Variants in PLXNA2 observed in about 807,000 individuals in gnomAD.
PLXNA2 encodes the protein plexin A2, also known as plexin-A2.
In PLXNA2, 91 loss-of-function variants were observed where a neutral mutation model predicts 193.5. That is an observed-to-expected ratio of 0.47 (90% CI 0.40 to 0.56). The LOEUF (loss-of-function observed/expected upper bound fraction) is 0.56, where lower values mean the gene tolerates loss of function less well. Ranked by LOEUF, PLXNA2 falls within the 20% of genes least tolerant of loss-of-function variation. The pLI, the probability that PLXNA2 is intolerant of heterozygous loss-of-function variation, is 0.00. For missense variants in PLXNA2, 1,995 were observed against 2,503.2 expected, an observed-to-expected ratio of 0.80 and a Z score of 4.33; for synonymous variants, 997 against 1,027.3, an observed-to-expected ratio of 0.97 and a Z score of 0.56.
intron 1 of PLXNA2, among the ~76,000 whole-genome samples, chr1:208,242,887 G>A (rs114921199): frequency 4.2e-4 from 64 of 152,190 alleles, no homozygotes; most frequent in African/African-American, 1.4e-3. Context: ...TGTGGGGTGG[G>A]GCAAGAAAGA....
intron 1 of PLXNA2, among the ~76,000 whole-genome samples, chr1:208,226,483 G>A (rs1434395854): frequency 2.0e-5 from 3 of 152,126 alleles, no homozygotes; most frequent in Non-Finnish European, 4.4e-5. Flanking sequence ...TTGTATCCCT[G>A]AATTATGAAG....
At chr1:208,055,626 A>T (rs905133205) in intron 13 of PLXNA2, among the ~76,000 whole-genome samples, 3 of 152,134 alleles carry the variant, frequency 2.0e-5, no homozygotes, top group Admixed American at 2.0e-4. Context: ...AACAGACCCC[A>T]TCTCCACTAA....
Position 208,039,839 on chromosome 1 carries a change from C to T in PLXNA2, c.4354-72G>A, listed in dbSNP as rs1004880542. The T allele has an allele frequency of 2.3e-5, 37 of 1,607,214 alleles. 1 individual carries two copies. The highest frequency in any genetic ancestry group is 9.4e-5 in the African/African-American group (7 of 74,762). On this transcript the variant is annotated intron_variant, in intron 23 of 31. Transcript: ENST00000367033. ...TTTGTACGTTTTCCCTTTCCTCTCTCGGAGCGAGGCCAGTGGAAGGAAGGG... is the reference window on the plus strand; with the variant it reads ...TTTGTACGTTTTCCCTTTCCTCTCTTGGAGCGAGGCCAGTGGAAGGAAGGG...
At position 208,026,626 on chromosome 1, in the gene PLXNA2, CTCA is replaced by C. The variant is rs1400918565; in HGVS notation, c.*614_*616del. 6.7e-6 allele frequency: 1 copy of C among 149,758 alleles called. No individual in the cohort carries two copies. Among genetic ancestry groups the C allele is most frequent in the Non-Finnish European group, 1.5e-5 (1 of 67,676 alleles). 9.3% of individuals were successfully genotyped at this position (149,758 alleles called of 1,614,324 possible). A position where few individuals can be genotyped will look rare whatever the true frequency, so the allele number is the denominator to read the frequency against. On this transcript the variant is annotated 3_prime_UTR_variant, in exon 32 of 32. Transcript: ENST00000367033. ...GCGAAGTGTTTGGTGCATACTTGTG[CTCA>C]TCATTCTTCTTCTCCTCTTTCTCTT... is the stretch of plus-strand genomic sequence containing the variant.
chr1:208,176,384 A>C (rs1669661239), intron 3 of PLXNA2, among the ~76,000 whole-genome samples: 1 of 152,246 alleles, frequency 6.6e-6, no homozygotes, highest in Admixed American at 6.5e-5. Flanking sequence ...TGGCCAACTT[A>C]AGCATGGGTT....
chr1:208,184,696 C>T (rs1017921578), intron 3 of PLXNA2, among the ~76,000 whole-genome samples: 18 of 152,140 alleles, frequency 1.2e-4, no homozygotes, highest in African/African-American at 2.9e-4. Context: ...CTTGAGCCTG[C>T]GCTGCTTTAC....
chr1:208,168,724 GTTTTTTTTTTT>G (rs10668701), intron 3 of PLXNA2, among the ~76,000 whole-genome samples: 2 of 73,156 alleles, frequency 2.7e-5, no homozygotes, highest in Non-Finnish European at 4.7e-5. Flanking sequence ...AGTATGCGGG[GTTTTTTTTTTT>G]TTTTTTTTTT....
intron 4 of PLXNA2, among the ~76,000 whole-genome samples, chr1:208,133,157 G>A (rs1458503333): frequency 6.6e-6 from 1 of 152,136 alleles, no homozygotes; most frequent in Non-Finnish European, 1.5e-5. Context: ...GAGAGGGTGA[G>A]TCCCCCGAGT....
chr1:208,183,987 T>A (rs2102551817), intron 3 of PLXNA2, among the ~76,000 whole-genome samples: 1 of 152,338 alleles, frequency 6.6e-6, no homozygotes, highest in South Asian at 2.1e-4. Context: ...CACACTAATA[T>A]ATGTCAATCT....
chr1:208,029,615 G>A (rs1291128226), intron 29 of PLXNA2: 24 of 988,848 alleles, frequency 2.4e-5, no homozygotes, highest in Non-Finnish European at 2.9e-5. Context: ...TCCCCAGGGC[G>A]TTCTTGTATC....
chr1:208,036,826 T>C (rs1664682898), intron 26 of PLXNA2, among the ~76,000 whole-genome samples: 1 of 152,142 alleles, frequency 6.6e-6, no homozygotes, highest in South Asian at 2.1e-4. Flanking sequence ...AACAAAATAG[T>C]CCCTTCTTCT....
intron 4 of PLXNA2, among the ~76,000 whole-genome samples, chr1:208,110,831 G>A (rs918501281): frequency 1.3e-5 from 2 of 152,134 alleles, no homozygotes; most frequent in Admixed American, 1.3e-4. Flanking sequence ...CGGCCACCGG[G>A]GCCATTCTTC....
chr1:208,072,514 C>T (rs1049041709), intron 12 of PLXNA2, among the ~76,000 whole-genome samples: 8 of 152,186 alleles, frequency 5.3e-5, no homozygotes, highest in African/African-American at 1.7e-4. Context: ...GCCCCATTGT[C>T]TGGCCTCTCC....
chr1:208,204,533 C>A (rs921199493), intron 3 of PLXNA2, among the ~76,000 whole-genome samples: 1 of 152,238 alleles, frequency 6.6e-6, no homozygotes, highest in Admixed American at 6.5e-5. Context: ...CCTCCTCCTC[C>A]CCTCACTGAC....
chr1:208,100,117 T>C (rs1033016778), intron 5 of PLXNA2, among the ~76,000 whole-genome samples: 6 of 152,030 alleles, frequency 3.9e-5, no homozygotes, highest in African/African-American at 1.4e-4. Context: ...CTCACACCTG[T>C]AATCCCAGCA....
At chr1:208,103,079 T>C in intron 5 of PLXNA2, 68 bp downstream of exon 5, 3 of 1,002,288 alleles carry the variant, frequency 3.0e-6, no homozygotes, top group Non-Finnish European at 4.7e-6. Context: ...TACTGTCATA[T>C]CCCATCATTC....
At chr1:208,151,509 AC>A (rs1668761574) in intron 3 of PLXNA2, among the ~76,000 whole-genome samples, 1 of 152,140 alleles carries the variant, frequency 6.6e-6, no homozygotes. Context: ...CAGGTTAACT[AC>A]CTTGGAAATG....
At chr1:208,113,215 C>T (rs1667540827) in intron 4 of PLXNA2, among the ~76,000 whole-genome samples, 1 of 152,122 alleles carries the variant, frequency 6.6e-6, no homozygotes. Context: ...TTATAGGGTC[C>T]ACATTGACTG....
At chr1:208,049,306 C>T (rs867429861) in intron 17 of PLXNA2, among the ~76,000 whole-genome samples, 401 of 141,606 alleles carry the variant, frequency 2.8e-3, no homozygotes, top group African/African-American at 9.7e-3. Context: ...AATTTGCTTG[C>T]TTTTTTTTTT....
Sources: gnomAD v4.1 joint callset for allele counts (sites outside exome capture counted in the v4.1 genomes callset) on GRCh38, gnomAD v4.1.1 for gene constraint, MANE v1.5 for transcripts, NCBI Gene and HGNC (gene_info 2026-07-23, HGNC 2026-07-21) for gene names.